GRB14: variants seen among roughly 807,000 people sequenced by gnomAD.
GRB14 encodes the protein growth factor receptor bound protein 14.
Under a neutral mutation model 69.1 loss-of-function variants are expected in GRB14, and 38 were observed. The observed-to-expected ratio is 0.55, with a 90% CI of 0.42 to 0.72. The LOEUF is 0.72. Ranked by LOEUF, GRB14 falls within the 30% of genes least tolerant of loss-of-function variation. The pLI is 0.00. For synonymous variants in GRB14, 247 were observed against 241.3 expected, an observed-to-expected ratio of 1.02 and a Z score of -0.22; for missense variants, 666 against 666.1, an observed-to-expected ratio of 1.00 and a Z score of 0.00.
chr2:164,565,378 G>A (rs1412995461), intron 2 of GRB14, among the ~76,000 whole-genome samples: 1 of 152,120 alleles, frequency 6.6e-6, no homozygotes, highest in Non-Finnish European at 1.5e-5. Flanking sequence ...GAGGTGCAGA[G>A]GAAGATGAAA....
intron 2 of GRB14, among the ~76,000 whole-genome samples, chr2:164,599,231 T>A (rs1404260109): frequency 6.6e-6 from 1 of 152,136 alleles, no homozygotes; most frequent in Non-Finnish European, 1.5e-5. Context: ...AAGAGAGTAT[T>A]CTAAGAAACA....
At chr2:164,534,151 A>G (rs2105296526) in intron 3 of GRB14, among the ~76,000 whole-genome samples, 1 of 152,334 alleles carries the variant, frequency 6.6e-6, no homozygotes, top group Non-Finnish European at 1.5e-5. Context: ...AGCTAATAAA[A>G]GTCAAGTGGA....
At chr2:164,608,623 C>G (rs1001740814) in intron 2 of GRB14, among the ~76,000 whole-genome samples, 2 of 151,100 alleles carry the variant, frequency 1.3e-5, no homozygotes, top group African/African-American at 4.9e-5. Flanking sequence ...TAATACAGGA[C>G]TAAGAGTTCT....
At chr2:164,559,211 C>T (rs1230280674) in intron 2 of GRB14, among the ~76,000 whole-genome samples, 1 of 152,138 alleles carries the variant, frequency 6.6e-6, no homozygotes, top group Non-Finnish European at 1.5e-5. Context: ...CAGTAACAAA[C>T]ACTGGGAACA....
intron 2 of GRB14, among the ~76,000 whole-genome samples, chr2:164,581,192 T>C (rs1375806462): frequency 6.6e-6 from 1 of 152,228 alleles, no homozygotes; most frequent in African/African-American, 2.4e-5. Context: ...CCCTTCTAAC[T>C]GTGCTTGGTC....
chr2:164,519,320 TA>T (rs948529531), intron 6 of GRB14, among the ~76,000 whole-genome samples: 2 of 151,974 alleles, frequency 1.3e-5, no homozygotes, highest in African/African-American at 4.8e-5. Flanking sequence ...CACTTTATGA[TA>T]AAAAACTTCA....
At chr2:164,522,206 C>A (rs1687652986) in intron 5 of GRB14, 89 bp from the exon 6 acceptor site, 2 of 761,300 alleles carry the variant, frequency 2.6e-6, no homozygotes, top group East Asian at 5.2e-5. Context: ...CAAATATAAA[C>A]ATGTAAAAAT....
intron 9 of GRB14, among the ~76,000 whole-genome samples, chr2:164,498,344 A>G (rs1250427051): frequency 1.3e-5 from 2 of 152,278 alleles, no homozygotes; most frequent in East Asian, 3.9e-4. Flanking sequence ...TTGAGTTGAA[A>G]GTAAAATATG....
At chr2:164,585,246 C>T (rs766861250) in intron 2 of GRB14, among the ~76,000 whole-genome samples, 3 of 151,292 alleles carry the variant, frequency 2.0e-5, no homozygotes, top group Non-Finnish European at 4.4e-5. Flanking sequence ...TTGCACCTGG[C>T]CATGCATTTT....
chr2:164,498,753 C>T (rs1686972299), intron 9 of GRB14, among the ~76,000 whole-genome samples: 1 of 152,138 alleles, frequency 6.6e-6, no homozygotes, highest in African/African-American at 2.4e-5. Flanking sequence ...CAAACAAAAC[C>T]TTATCCACAG....
At chr2:164,565,239 T>C (rs993221235) in intron 2 of GRB14, among the ~76,000 whole-genome samples, 2 of 151,686 alleles carry the variant, frequency 1.3e-5, no homozygotes, top group African/African-American at 2.4e-5. Context: ...AATGTGCCAA[T>C]CTGGAGTTCC....
rs547975184 is a variant in GRB14, at chr2:164,522,071, T to C, written c.725A>G (p.His242Arg). The C allele has an allele frequency of 5.6e-6, 9 of 1,601,438 alleles. No individual in the cohort carries two copies. In the South Asian group the frequency reaches 7.8e-5, roughly 14 times the overall value. The change falls in exon 6 of 14, where the codon CAT becomes CGT. Residue 242 changes from histidine to arginine, a missense_variant. Physicochemically the swap from His to Arg is conservative, Grantham distance 29. Transcript: ENST00000263915. ...AGACTTCTTTCCCTGTTCTTTCGCATGTAAGAAACCATGAATTTCAGGATA... is the reference window on the plus strand; with the variant it reads ...AGACTTCTTTCCCTGTTCTTTCGCACGTAAGAAACCATGAATTTCAGGATA... ...STYPEIHGFL[H>R]AKEQGKKSWK...
chr2:164,579,544 C>T (rs1022633540), intron 2 of GRB14, among the ~76,000 whole-genome samples: 14 of 148,026 alleles, frequency 9.5e-5, no homozygotes, highest in African/African-American at 3.5e-4. Flanking sequence ...CACACTTACT[C>T]ACACTGGGAC....
chr2:164,606,050 T>C (rs915051291), intron 2 of GRB14, among the ~76,000 whole-genome samples: 3 of 152,196 alleles, frequency 2.0e-5, no homozygotes, highest in African/African-American at 7.2e-5. Context: ...ACATTATGTA[T>C]TCTACTCATA....
intron 2 of GRB14, among the ~76,000 whole-genome samples, chr2:164,600,178 G>GCC (rs1189043507): frequency 6.6e-6 from 1 of 152,058 alleles, no homozygotes; most frequent in African/African-American, 2.4e-5. Flanking sequence ...TTTAAACAGC[G>GCC]CCCCCCTGTG....
chr2:164,495,425 A>ATAC (rs1686867315), intron 12 of GRB14, among the ~76,000 whole-genome samples: 4 of 152,184 alleles, frequency 2.6e-5, no homozygotes, highest in African/African-American at 9.7e-5. Flanking sequence ...CAAAAAACAC[A>ATAC]TACTTTAACC....
chr2:164,498,717 CATAGACT>C (rs1686971315), intron 9 of GRB14, among the ~76,000 whole-genome samples: 1 of 152,150 alleles, frequency 6.6e-6, no homozygotes. Context: ...GGCTTGGTTG[CATAGACT>C]ATAGTCAAAT....
chr2:164,554,494 C>T (rs1688628079), intron 2 of GRB14, among the ~76,000 whole-genome samples: 1 of 152,122 alleles, frequency 6.6e-6, no homozygotes, highest in Non-Finnish European at 1.5e-5. Context: ...AAACATAGCA[C>T]TGATAATGTT....
intron 2 of GRB14, chr2:164,574,067 A>C: frequency 1.9e-6 from 2 of 1,034,220 alleles, no homozygotes; most frequent in Non-Finnish European, 3.0e-6. Context: ...CTTCAGAGGT[A>C]AATTCAGAAA....
Sources: allele counts gnomAD v4.1 joint callset (sites outside exome capture counted in the v4.1 genomes callset), GRCh38; gene constraint gnomAD v4.1.1; transcripts MANE v1.5; gene names NCBI Gene and HGNC (gene_info 2026-07-23, HGNC 2026-07-21).